Variants in PNN observed in about 807,000 individuals in gnomAD.
The protein encoded by PNN is pinin.
Under a neutral mutation model 76.6 loss-of-function variants are expected in PNN, and 38 were observed. That is an observed-to-expected ratio of 0.50 (90% CI 0.38 to 0.65). The LOEUF is 0.65. PNN is among the 30% of genes least tolerant of loss of function. The probability of loss-of-function intolerance (pLI) is 0.00; values close to 1 mark genes in which losing one functional copy is unlikely to be tolerated. For missense variants in PNN, 873 were observed against 874.1 expected, an observed-to-expected ratio of 1.00 and a Z score of 0.02; for synonymous variants, 366 against 283.7, an observed-to-expected ratio of 1.29 and a Z score of -2.91.
rs765745795 is a variant in PNN at position 39,181,312 on chromosome 14, G to C, written c.1603G>C (p.Val535Leu). ...GAGGAAGGATTTTCCTGTAGAGTCT[G>C]TAAAACTCACTGAGGTACCAGTAGA... ...PERKDFPVES[V>L]KLTEVPVEPV... is the part of the protein sequence containing the mutation. The change falls in exon 9 of 9, where the codon GTA becomes CTA. Residue 535 changes from valine (V) to leucine (L), a missense_variant. By Grantham distance (32) the Val-to-Leu change is conservative. Around this residue, in one of 3 missense-constraint regions of PNN, gnomAD observed 712 missense variants for 693.1 expected, o/e 1.03. Coordinates refer to ENST00000216832, the MANE Select transcript of PNN (RefSeq NM_002687.4). The C allele has an allele frequency of 1.2e-6, 2 of 1,614,066 alleles. No homozygotes were observed. The highest frequency in any genetic ancestry group is 2.7e-5 in the African/African-American group (2 of 74,948).
chr14:39,176,494 C>T, intron 2 of PNN, 33 bp from the exon 3 acceptor site: 1 of 1,457,648 alleles, frequency 6.9e-7, no homozygotes, highest in Non-Finnish European at 9.5e-7. Flanking sequence ...TCTTGTATTT[C>T]AAGTGTTTTA....
At chr14:39,176,226 T>C in intron 2 of PNN, 77 bp downstream of exon 2, 1 of 852,428 alleles carries the variant, frequency 1.2e-6, no homozygotes, top group Non-Finnish European at 2.0e-6. Flanking sequence ...ACAAAACCTG[T>C]GATAAAATCA....
Position 39,181,326 on chromosome 14 carries a change from G to A in PNN, c.1617G>A (p.Glu539=). 1 of 1,614,186 alleles carries A rather than the reference G, an allele frequency of 6.2e-7. No homozygotes were observed. The highest frequency in any genetic ancestry group is 1.1e-5 in the South Asian group (1 of 91,084). The change falls in exon 9 of 9, where the codon GAG becomes GAA. Residue 539 remains glutamate, a synonymous_variant. Transcript: ENST00000216832. ...DFPVESVKLT[E]VPVEPVLTVH... is the part of the protein sequence containing the mutation. ...CTGTAGAGTCTGTAAAACTCACTGA[G>A]GTACCAGTAGAGCCAGTCTTGACAG...
intron 6 of PNN, 113 bp downstream of exon 6, chr14:39,178,029 A>G (rs768133302): frequency 2.7e-6 from 2 of 738,768 alleles, no homozygotes; most frequent in South Asian, 3.4e-5. Context: ...TAAACCTGAA[A>G]CAAAGCCAAG....
rs771707085 is a variant in PNN at position 39,179,435 on chromosome 14, A to T, written c.766A>T (p.Ile256Leu). The change falls in exon 8 of 9, where the codon ATA becomes TTA. Residue 256 changes from isoleucine to leucine, a missense_variant. Ile to Leu is a conservative substitution (Grantham distance 5). Coordinates refer to ENST00000216832, the MANE Select transcript of PNN (RefSeq NM_002687.4). Reference sequence around the variant, plus strand: ...AATGTGTCCAGCTACCCAAAAACTAATAGAAGAGTCACAGAGAAAAATGAA... The same window carrying T: ...AATGTGTCCAGCTACCCAAAAACTATTAGAAGAGTCACAGAGAAAAATGAA... ...GRMCPATQKL[I>L]EESQRKMNAL... 1 of 1,613,086 alleles carries T rather than the reference A, an allele frequency of 6.2e-7. No homozygotes were observed. The highest frequency in any genetic ancestry group is 8.5e-7 in the Non-Finnish European group (1 of 1,179,424).
Position 39,181,909 on chromosome 14 carries a change from T to G in PNN, c.*46T>G. On this transcript the variant is annotated 3_prime_UTR_variant, in exon 9 of 9. Coordinates refer to ENST00000216832, the MANE Select transcript of PNN (RefSeq NM_002687.4). ...TAGCCATTCTTTGCAGCAGAAGATTTCTTGATAAAAAAGGATTACCTTTCC... is the reference window on the plus strand; with the variant it reads ...TAGCCATTCTTTGCAGCAGAAGATTGCTTGATAAAAAAGGATTACCTTTCC... 6.6e-7 allele frequency: 1 copy of G among 1,511,784 alleles called. No individual in the cohort carries two copies. The highest frequency in any genetic ancestry group is 1.4e-5 in the African/African-American group (1 of 71,828). The allele number at this position is 1,511,784 out of a possible 1,614,324, so 93.6% of individuals were successfully genotyped here. A position where few individuals can be genotyped will look rare whatever the true frequency, so the allele number is the denominator to read the frequency against.
rs2053274292 is a variant in PNN, at chr14:39,182,017, C to CT, written c.*156dup. 7 of 667,056 alleles carry CT rather than the reference C, an allele frequency of 1.0e-5. No homozygotes were observed. In the South Asian group the frequency reaches 2.1e-4, roughly 20 times the overall value. The allele number at this position is 667,056 out of a possible 1,614,324, so 41.3% of individuals were successfully genotyped here. ...ACAGACTGTTTGTTTACCAGACATT[C>CT]TTGTACTTTTTGCATAATTTTGTAA... On this transcript the variant is annotated 3_prime_UTR_variant, in exon 9 of 9. Transcript: ENST00000216832.
In PNN at chr14:39,181,994, A is replaced by T; in HGVS notation, c.*131A>T. The T allele has an allele frequency of 1.2e-6, 1 of 852,770 alleles. No homozygotes were observed. Among genetic ancestry groups the T allele is most frequent in the Non-Finnish European group, 1.7e-6 (1 of 579,466 alleles). The allele number at this position is 852,770 out of a possible 1,614,324, so 52.8% of individuals were successfully genotyped here. On this transcript the variant is annotated 3_prime_UTR_variant, in exon 9 of 9. Transcript: ENST00000216832. ...TGTAAAAAATCTTTTTGGAAAATAC[A>T]GACTGTTTGTTTACCAGACATTCTT...
At chr14:39,175,985 T>G (rs190869220) in intron 1 of PNN, 93 bp from the exon 2 acceptor site, 1 of 705,112 alleles carries the variant, frequency 1.4e-6, no homozygotes, top group African/African-American at 1.8e-5. Context: ...CTTTTGTGAT[T>G]TTTTCTCCTT....
chr14:39,177,183 G>C (rs188435033), intron 3 of PNN, among the ~76,000 whole-genome samples: 4 of 152,282 alleles, frequency 2.6e-5, no homozygotes, highest in African/African-American at 7.2e-5. Context: ...CCAGGAGTTG[G>C]AGAACAGCCT....
At position 39,181,538 on chromosome 14, in the gene PNN, G is replaced by C. The variant is rs761987897; in HGVS notation, c.1829G>C (p.Ser610Thr). ...AGCAGTCGCAGTAGTTCCAGTAGCA[G>C]CTCCAGTACAAGTGGCAGCAGCAGC... ...SSSSRSSSSS[S>T]SSTSGSSSRD... Residue 610 changes from serine (S) to threonine (T), a missense_variant, in exon 9 of 9, where the codon AGC (serine) becomes ACC (threonine). This residue lies in a region of PNN where 712 missense variants were observed against 693.1 expected (regional missense o/e 1.03). Coordinates refer to ENST00000216832, the MANE Select transcript of PNN (RefSeq NM_002687.4). 2.5e-6 allele frequency: 4 copies of C among 1,606,360 alleles called. No individual in the cohort carries two copies. The highest frequency in any genetic ancestry group is 3.4e-6 in the Non-Finnish European group (4 of 1,176,264).
Position 39,179,345 on chromosome 14 carries a change from A to G in PNN, c.676A>G (p.Asn226Asp). The G allele has an allele frequency of 6.2e-7, 1 of 1,610,946 alleles. No individual in the cohort carries two copies. The highest frequency in any genetic ancestry group is 8.5e-7 in the Non-Finnish European group (1 of 1,178,848). The change falls in exon 8 of 9, where the codon AAT becomes GAT. Residue 226 changes from asparagine (N) to aspartate (D), a missense_variant. Transcript: ENST00000216832. ...TTAGCAAGAAGAATGGAATGAACAT[A>G]ATGCCAAAATAATTAAATATATAAG... The part of the protein sequence containing the change: ...AQLQEEWNEH[N>D]AKIIKYIRTK...
chr14:39,175,346 G>A lies in PNN; in HGVS notation c.67G>A (p.Asp23Asn). Residue 23 changes from aspartate (D) to asparagine (N), a missense_variant, in exon 1 of 9, where the codon GAT becomes AAT. Physicochemically the swap from Asp to Asn is conservative, Grantham distance 23. Coordinates refer to ENST00000216832, the MANE Select transcript of PNN (RefSeq NM_002687.4). ...EKAKESLKNV[D>N]ENIRKLTGRD... is the part of the protein sequence containing the mutation. ...GGCCAAAGAGAGTCTTAAGAACGTG[G>A]ATGAGAACATTCGCAAGCTCACCGG... is the stretch of plus-strand genomic sequence containing the variant. 1.2e-6 allele frequency: 2 copies of A among 1,613,140 alleles called. No homozygotes were observed. The highest frequency in any genetic ancestry group is 1.7e-6 in the Non-Finnish European group (2 of 1,179,516).
In PNN at chr14:39,176,549, G is replaced by T; in HGVS notation, c.208G>T (p.Gly70Ter). The T allele has an allele frequency of 6.2e-7, 1 of 1,608,880 alleles. No homozygotes were observed. The highest frequency in any genetic ancestry group is 8.5e-7 in the Non-Finnish European group (1 of 1,178,354). ...CAGGCGTGGATTCTCAGATAGTGGAGGAGGACCCCCAGCCAAACAGAGAGA... is the reference window on the plus strand; with the variant it reads ...CAGGCGTGGATTCTCAGATAGTGGATGAGGACCCCCAGCCAAACAGAGAGA... The part of the protein sequence containing the change: ...LLRRGFSDSG[G>*]GPPAKQRDLE... Residue 70 changes from glycine to a stop codon, truncating the protein, a stop_gained, in exon 3 of 9, where the codon GGA becomes TGA. Transcript: ENST00000216832. LOFTEE classifies it high-confidence loss of function.
chr14:39,178,141 T>C (rs953453961), intron 6 of PNN, among the ~76,000 whole-genome samples: 3 of 151,070 alleles, frequency 2.0e-5, no homozygotes, highest in Non-Finnish European at 1.5e-5. Flanking sequence ...AATTTAGATA[T>C]GTGAAAAAAA....
In PNN at chr14:39,181,887, C is replaced by T. The variant is rs2053273255; in HGVS notation, c.*24C>T. ...AATGGAAGAAGCCAGGCTTTCTTAG[C>T]CATTCTTTGCAGCAGAAGATTTCTT... On this transcript the variant is annotated 3_prime_UTR_variant, in exon 9 of 9. Coordinates refer to ENST00000216832, the MANE Select transcript of PNN (RefSeq NM_002687.4). 6.5e-7 allele frequency: 1 copy of T among 1,535,548 alleles called. No homozygotes were observed. Among genetic ancestry groups the T allele is most frequent in the African/African-American group, 1.4e-5 (1 of 72,018 alleles).
chr14:39,180,361 C>T, intron 8 of PNN, 142 bp from the exon 9 acceptor site: 3 of 800,380 alleles, frequency 3.7e-6, no homozygotes, highest in Non-Finnish European at 5.6e-6. Context: ...TTTGTGGTTA[C>T]TTAATTGCCA....
intron 1 of PNN, chr14:39,175,716 C>G: frequency 2.2e-6 from 1 of 464,758 alleles, no homozygotes; most frequent in South Asian, 2.4e-5. Context: ...CCTTCCCGCT[C>G]CGGCGGACAC....
At position 39,181,791 on chromosome 14, in the gene PNN, T is replaced by C. The variant is rs761229995; in HGVS notation, c.2082T>C (p.Ser694=). The C allele has an allele frequency of 5.6e-6, 9 of 1,613,208 alleles. No homozygotes were observed. Among genetic ancestry groups the C allele is most frequent in the East Asian group, 2.2e-5 (1 of 44,868 alleles). ...ACAGAAAGAGGTCTATATCAGAGAG[T>C]AGTCGATCAGGCAAAAGATCTTCAA... The part of the protein sequence containing the change: ...RSDRKRSISE[S]SRSGKRSSRS... The change falls in exon 9 of 9, where the codon AGT becomes AGC. Residue 694 remains serine, a synonymous_variant. Transcript: ENST00000216832.
Sources: gnomAD v4.1 joint callset for allele counts (sites outside exome capture counted in the v4.1 genomes callset) on GRCh38, gnomAD v4.1.1 for gene constraint, gnomAD v4.1.1 regional missense constraint, MANE v1.5 for transcripts, NCBI Gene and HGNC (gene_info 2026-07-23, HGNC 2026-07-21) for gene names.